PDE1C: variants seen among roughly 807,000 people sequenced by gnomAD.
PDE1C encodes dual specificity calcium/calmodulin-dependent 3',5'-cyclic nucleotide phosphodiesterase 1C.
In PDE1C, 62 loss-of-function variants were observed where a neutral mutation model predicts 93.1. The observed-to-expected ratio is 0.67, with a 90% CI of 0.54 to 0.82. The LOEUF (loss-of-function observed/expected upper bound fraction) is 0.82, where lower values mean the gene tolerates loss of function less well. Among genes scored for constraint, PDE1C ranks in the 40% least tolerant of loss-of-function variants. PDE1C has a pLI of 0.00. For missense variants in PDE1C, 742 were observed against 884.6 expected, an observed-to-expected ratio of 0.84 and a Z score of 2.04; for synonymous variants, 325 against 310.1, an observed-to-expected ratio of 1.05 and a Z score of -0.50.
the PDE1C span, among the ~76,000 whole-genome samples, chr7:31,736,047 A>AT: frequency 6.6e-6 from 1 of 152,092 alleles, no homozygotes; most frequent in South Asian, 2.1e-4. Flanking sequence ...TTTTTTGTGG[A>AT]TTTTTTTTCC....
chr7:31,639,683 C>T, the PDE1C span, among the ~76,000 whole-genome samples: 1 of 151,646 alleles, frequency 6.6e-6, no homozygotes, highest in Non-Finnish European at 1.5e-5. Context: ...ACTACAGGTG[C>T]CTGCCACCAT....
chr7:31,957,900 A>G (rs2129026142), intron 2 of PDE1C, among the ~76,000 whole-genome samples: 1 of 152,214 alleles, frequency 6.6e-6, no homozygotes, highest in African/African-American at 2.4e-5. Flanking sequence ...AGGCTAAATG[A>G]CCCTGAAAAT....
intron 1 of PDE1C, among the ~76,000 whole-genome samples, chr7:32,359,300 T>C (rs576706044): frequency 6.6e-6 from 1 of 152,348 alleles, no homozygotes; most frequent in South Asian, 2.1e-4. Flanking sequence ...CTGAGGTGTC[T>C]TTTCCCCTAT....
chr7:32,290,314 G>A (rs1033924872), intron 1 of PDE1C, among the ~76,000 whole-genome samples: 1 of 152,214 alleles, frequency 6.6e-6, no homozygotes, highest in African/African-American at 2.4e-5. Flanking sequence ...GCTGGTGGAG[G>A]GTTGGCAGAG....
intron 7 of PDE1C, among the ~76,000 whole-genome samples, chr7:31,863,757 T>A (rs1222822438): frequency 1.3e-5 from 2 of 152,186 alleles, no homozygotes; most frequent in Admixed American, 6.5e-5. Context: ...ATTCTAACCA[T>A]CAGAGCACTT....
At chr7:31,932,046 C>T (rs1187636997) in intron 2 of PDE1C, among the ~76,000 whole-genome samples, 3 of 152,148 alleles carry the variant, frequency 2.0e-5, no homozygotes, top group Non-Finnish European at 4.4e-5. Flanking sequence ...CCCTTCATTA[C>T]ACCTTATACA....
At chr7:31,988,995 CAAAA>C (rs36081234) in intron 2 of PDE1C, among the ~76,000 whole-genome samples, 6 of 34,156 alleles carry the variant, frequency 1.8e-4, no homozygotes, top group Non-Finnish European at 2.7e-4. Flanking sequence ...AACTTCTTCT[CAAAA>C]AAAAAAAAAA....
chr7:31,760,316 TCA>T (rs1349412278), intron 17 of PDE1C, among the ~76,000 whole-genome samples: 4 of 152,220 alleles, frequency 2.6e-5, no homozygotes, highest in Non-Finnish European at 5.9e-5. Context: ...TAATTTCTTA[TCA>T]TATGGTATCA....
chr7:31,817,431 A>G (rs1167109224), intron 14 of PDE1C, among the ~76,000 whole-genome samples: 1 of 152,180 alleles, frequency 6.6e-6, no homozygotes, highest in Admixed American at 6.5e-5. Context: ...ACCAAGGACA[A>G]GCAGGGTTCA....
At chr7:32,217,627 C>A (rs1418666175) in intron 1 of PDE1C, among the ~76,000 whole-genome samples, 2 of 152,136 alleles carry the variant, frequency 1.3e-5, no homozygotes, top group African/African-American at 4.8e-5. Context: ...GACACATGAC[C>A]AAAGCCTGCC....
At chr7:31,834,237 C>T (rs1396281575) in intron 11 of PDE1C, among the ~76,000 whole-genome samples, 1 of 152,206 alleles carries the variant, frequency 6.6e-6, no homozygotes, top group African/African-American at 2.4e-5. Flanking sequence ...TCATGGATAA[C>T]CTCTGCTATG....
intron 16 of PDE1C, chr7:31,790,048 C>A: frequency 7.2e-7 from 1 of 1,386,310 alleles, no homozygotes; most frequent in Non-Finnish European, 9.3e-7. Flanking sequence ...CTCAAACCAA[C>A]CCCCAAAGAT....
At chr7:31,912,827 GA>G (rs1412077795) in intron 2 of PDE1C, among the ~76,000 whole-genome samples, 2 of 151,928 alleles carry the variant, frequency 1.3e-5, no homozygotes, top group African/African-American at 2.4e-5. Context: ...AAATTATTTG[GA>G]AAATAGATTT....
chr7:31,962,726 C>A (rs1809194725), intron 2 of PDE1C, among the ~76,000 whole-genome samples: 3 of 152,182 alleles, frequency 2.0e-5, no homozygotes, highest in Admixed American at 2.0e-4. Flanking sequence ...ATGAAGGTAT[C>A]AGATCCCCTG....
chr7:31,808,436 A>G (rs1207639293), intron 16 of PDE1C, among the ~76,000 whole-genome samples: 1 of 152,014 alleles, frequency 6.6e-6, no homozygotes, highest in African/African-American at 2.4e-5. Context: ...ATATAATTTG[A>G]ACTTTCAGGT....
intron 2 of PDE1C, among the ~76,000 whole-genome samples, chr7:31,938,305 TC>T (rs1310253574): frequency 6.6e-6 from 1 of 151,670 alleles, no homozygotes; most frequent in Non-Finnish European, 1.5e-5. Context: ...TTTGCAAAGG[TC>T]TAGAATATGC....
At chr7:31,882,030 G>T (rs1206529407) in intron 2 of PDE1C, among the ~76,000 whole-genome samples, 1 of 152,094 alleles carries the variant, frequency 6.6e-6, no homozygotes, top group African/African-American at 2.4e-5. Flanking sequence ...TCATGGCAAG[G>T]TATAGACTAC....
chr7:31,755,482 C>T (rs999452600), intron 17 of PDE1C, among the ~76,000 whole-genome samples: 1 of 151,930 alleles, frequency 6.6e-6, no homozygotes, highest in African/African-American at 2.4e-5. Context: ...AACCAGGGCT[C>T]CTTGCAGAAA....
chr7:31,893,419 C>G (rs1263743656), intron 2 of PDE1C: 1 of 921,736 alleles, frequency 1.1e-6, no homozygotes, highest in Non-Finnish European at 1.3e-6. Context: ...AAGCCTAAAG[C>G]TTTTTCATTT....
Sources: allele counts gnomAD v4.1 joint callset (sites outside exome capture counted in the v4.1 genomes callset), GRCh38; gene constraint gnomAD v4.1.1; transcripts MANE v1.5; gene names NCBI Gene and HGNC (gene_info 2026-07-23, HGNC 2026-07-21).